Variants in KMT5B observed in about 807,000 individuals in gnomAD.
KMT5B encodes the protein lysine methyltransferase 5B.
KMT5B carries 10 observed loss-of-function variants against 83.2 expected under a neutral mutation model. That is an observed-to-expected ratio of 0.12 (90% CI 0.07 to 0.20). The LOEUF (loss-of-function observed/expected upper bound fraction) is 0.20, where lower values mean the gene tolerates loss of function less well. Ranked by LOEUF, KMT5B falls within the 10% of genes least tolerant of loss-of-function variation. The pLI, the probability that KMT5B is intolerant of heterozygous loss-of-function variation, is 1.00. For synonymous variants in KMT5B, 349 were observed against 388.8 expected, an observed-to-expected ratio of 0.90 and a Z score of 1.20; for missense variants, 753 against 1,067.2, an observed-to-expected ratio of 0.71 and a Z score of 4.10.
At chr11:68,177,958 C>T (rs1469919579) in intron 4 of KMT5B, among the ~76,000 whole-genome samples, 2 of 152,174 alleles carry the variant, frequency 1.3e-5, no homozygotes, top group Non-Finnish European at 1.5e-5. Context: ...TGGTTATTTG[C>T]ACATGAAGGA....
chr11:68,212,251 G>A (rs1428047882), intron 1 of KMT5B, among the ~76,000 whole-genome samples: 1 of 152,090 alleles, frequency 6.6e-6, no homozygotes, highest in Non-Finnish European at 1.5e-5. Flanking sequence ...AATCGAAAAA[G>A]GTCCACATCA....
chr11:68,195,084 G>A (rs1301221882), intron 1 of KMT5B, among the ~76,000 whole-genome samples: 1 of 152,186 alleles, frequency 6.6e-6, no homozygotes, highest in Non-Finnish European at 1.5e-5. Context: ...GGCTGAAGTG[G>A]GAGGATGGCT....
At chr11:68,183,735 C>T (rs1288705858) in intron 3 of KMT5B, among the ~76,000 whole-genome samples, 1 of 151,520 alleles carries the variant, frequency 6.6e-6, no homozygotes, top group Non-Finnish European at 1.5e-5. Context: ...TCTTGGTTCA[C>T]TGCAACCTCT....
In KMT5B at chr11:68,199,470, G is replaced by C. The variant is rs1859144754; in HGVS notation, c.-76-9318C>G. Among the ~76,000 whole-genome samples the C allele has an allele frequency of 2.0e-5, 3 of 152,134 alleles. No homozygotes were observed. In the South Asian group the frequency reaches 6.2e-4, roughly 32 times the overall value. The stretch of plus-strand genomic sequence containing the variant: ...CAAGGCCCAGAGGCTGGCGTGGCTG[G>C]GGCAAATATGGAGGAAGAGTGGGAG... On this transcript the variant is annotated intron_variant, in intron 1 of 10. Coordinates refer to ENST00000304363, the MANE Select transcript of KMT5B (RefSeq NM_017635.5).
chr11:68,185,801 T>C lies in KMT5B; in HGVS notation c.288A>G (p.Gln96=), dbSNP rs759211349. 9.9e-6 allele frequency: 16 copies of C among 1,613,654 alleles called. No homozygotes were observed. The highest frequency in any genetic ancestry group is 5.3e-5 in the African/African-American group (4 of 74,908). The change falls in exon 3 of 11, where the codon CAA becomes CAG. Residue 96 remains glutamine, a synonymous_variant. Coordinates refer to ENST00000304363, the MANE Select transcript of KMT5B (RefSeq NM_017635.5). ...SLVLDPYLGF[Q]THKMNTSAFP... is the part of the protein sequence containing the mutation. ...ATTACCTAGTATTCATTTTGTGTGT[T>C]TGAAAACCTAAATAGGGATCAAGAA...
At position 68,157,513 on chromosome 11, in the gene KMT5B, T is replaced by C; in HGVS notation, c.*175A>G. On this transcript the variant is annotated 3_prime_UTR_variant, in exon 11 of 11. Transcript: ENST00000304363. ...GCTATTTAAAAAGTACGATAAAAAT[T>C]TGCACAAATCAGACTTAAGAATTGA... 1 of 924,470 alleles carries C rather than the reference T, an allele frequency of 1.1e-6. No homozygotes were observed. Among genetic ancestry groups the C allele is most frequent in the East Asian group, 3.1e-5 (1 of 31,946 alleles). 57.3% of individuals were successfully genotyped at this position (924,470 alleles called of 1,614,324 possible).
chr11:68,179,454 T>C, intron 4 of KMT5B: 1 of 1,303,628 alleles, frequency 7.7e-7, no homozygotes, highest in Non-Finnish European at 1.0e-6. Flanking sequence ...ACATATGAAT[T>C]CACACTCCCA....
chr11:68,212,744 A>G (rs1861085399), intron 1 of KMT5B: 1 of 152,116 alleles, frequency 6.6e-6, no homozygotes, highest in South Asian at 2.1e-4. Flanking sequence ...GGGCCAAAAC[A>G]AAAACAAAAA....
intron 9 of KMT5B, 22 bp from the exon 10 acceptor site, chr11:68,167,200 G>A (rs1855391999): frequency 1.9e-6 from 3 of 1,582,924 alleles, no homozygotes; most frequent in Non-Finnish European, 2.6e-6. Context: ...AATAGCACAG[G>A]TTAAACAAAT....
chr11:68,171,163 G>A lies in KMT5B; in HGVS notation c.841-12C>T. 6.2e-7 allele frequency: 1 copy of A among 1,608,770 alleles called. No individual in the cohort carries two copies. Among genetic ancestry groups the A allele is most frequent in the South Asian group, 1.1e-5 (1 of 89,422 alleles). On this transcript the variant is annotated splice_polypyrimidine_tract_variant and intron_variant, in intron 8 of 10. Coordinates refer to ENST00000304363, the MANE Select transcript of KMT5B (RefSeq NM_017635.5). This position sits in a 1 kb window ranked among gnomAD's most constrained non-coding sequence, Gnocchi z 5.1. ...CCAGTTGACACAAACTAAAATAAAA[G>A]TAACTCAGTAAGAAACTCACACCTG...
In KMT5B at chr11:68,158,366, G is replaced by T; in HGVS notation, c.1980C>A (p.Gly660=). 2 of 1,614,044 alleles carry T rather than the reference G, an allele frequency of 1.2e-6. No individual in the cohort carries two copies. The highest frequency in any genetic ancestry group is 1.7e-6 in the Non-Finnish European group (2 of 1,179,972). The change falls in exon 11 of 11, where the codon GGC becomes GGA. Residue 660 remains glycine (G), a synonymous_variant. Coordinates refer to ENST00000304363, the MANE Select transcript of KMT5B (RefSeq NM_017635.5). ...CACAGTCTGTGTAGCTCACAGGCAC[G>T]CCCACAGTGCCACTGTGCTCACCCT... The part of the protein sequence containing the change: ...SDQGEHSGTV[G]VPVSYTDCAP...
At chr11:68,174,625 C>T (rs1856173102) in intron 5 of KMT5B, among the ~76,000 whole-genome samples, 1 of 152,088 alleles carries the variant, frequency 6.6e-6, no homozygotes, top group Non-Finnish European at 1.5e-5. Context: ...AACTCTTGGG[C>T]ACAAGCAATG....
At chr11:68,204,382 A>G (rs1859809275) in intron 1 of KMT5B, among the ~76,000 whole-genome samples, 1 of 152,144 alleles carries the variant, frequency 6.6e-6, no homozygotes, top group South Asian at 2.1e-4. Flanking sequence ...CTTAAATGCC[A>G]CTCAAATGAC....
chr11:68,178,489 C>G (rs1856592440), intron 4 of KMT5B, among the ~76,000 whole-genome samples: 1 of 152,202 alleles, frequency 6.6e-6, no homozygotes, highest in Non-Finnish European at 1.5e-5. Flanking sequence ...ACCCCTGAAA[C>G]TATCCCTTGC....
chr11:68,157,557 T>C lies in KMT5B; in HGVS notation c.*131A>G. ...GAATTGAGTCAGTATGCTGTACACT[T>C]TCTACAATAGTATGCTGATAAGTGA... is the stretch of plus-strand genomic sequence containing the variant. On this transcript the variant is annotated 3_prime_UTR_variant, in exon 11 of 11. Coordinates refer to ENST00000304363, the MANE Select transcript of KMT5B (RefSeq NM_017635.5). The C allele has an allele frequency of 7.5e-7, 1 of 1,339,376 alleles. No individual in the cohort carries two copies. Among genetic ancestry groups the C allele is most frequent in the Non-Finnish European group, 9.7e-7 (1 of 1,026,826 alleles). 83.0% of individuals were successfully genotyped at this position (1,339,376 alleles called of 1,614,324 possible).
intron 5 of KMT5B, among the ~76,000 whole-genome samples, chr11:68,174,467 C>T (rs766118865): frequency 7.9e-5 from 12 of 152,100 alleles, no homozygotes; most frequent in African/African-American, 2.2e-4. Context: ...TGTATGAGTA[C>T]CTAATGGCTT....
chr11:68,167,223 C>CTTA (rs772291907), intron 9 of KMT5B, 45 bp from the exon 10 acceptor site: 1 of 1,551,904 alleles, frequency 6.4e-7, no homozygotes, highest in Non-Finnish European at 8.7e-7. Flanking sequence ...AACACACTTT[C>CTTA]TTATAATAAG....
chr11:68,170,805 G>A (rs1855771728), intron 9 of KMT5B, among the ~76,000 whole-genome samples: 2 of 152,220 alleles, frequency 1.3e-5, no homozygotes, highest in Non-Finnish European at 1.5e-5. Context: ...ATTTTAAAGG[G>A]AAATTTTAAA....
intron 10 of KMT5B, among the ~76,000 whole-genome samples, chr11:68,159,896 G>A (rs1854706399): frequency 6.6e-6 from 1 of 152,228 alleles, no homozygotes. Flanking sequence ...AACAATCACA[G>A]TGAAGGAAGA....
Sources: allele counts gnomAD v4.1 joint callset (sites outside exome capture counted in the v4.1 genomes callset), GRCh38; gene constraint gnomAD v4.1.1; non-coding constraint Gnocchi (gnomAD v3.1); transcripts MANE v1.5; gene names NCBI Gene and HGNC (gene_info 2026-07-23, HGNC 2026-07-21).